Variants in SORBS2 observed in about 807,000 individuals in gnomAD.
SORBS2 encodes the protein sorbin and SH3 domain-containing protein 2.
Under a neutral mutation model 97.7 loss-of-function variants are expected in SORBS2, and 46 were observed. The ratio of observed to expected loss-of-function variants is 0.47; its 90% CI spans 0.37 to 0.60. SORBS2 has a LOEUF of 0.60. SORBS2 is among the 20% of genes least tolerant of loss of function. The pLI, the probability that SORBS2 is intolerant of heterozygous loss-of-function variation, is 0.00. For missense variants in SORBS2, 1,316 were observed against 1,282.3 expected (o/e 1.03, Z -0.40); for synonymous variants, 476 against 473.4 (o/e 1.01, Z -0.07).
At chr4:185,664,130 A>G (rs1346969793) in intron 4 of SORBS2, among the ~76,000 whole-genome samples, 1 of 152,118 alleles carries the variant, frequency 6.6e-6, no homozygotes, top group African/African-American at 2.4e-5. Context: ...CTGGGATTAC[A>G]GGCGTGAGCC....
chr4:185,925,447 A>C (rs2099263147), intron 1 of SORBS2, among the ~76,000 whole-genome samples: 1 of 152,204 alleles, frequency 6.6e-6, no homozygotes, highest in Non-Finnish European at 1.5e-5. Flanking sequence ...TACTCAATGG[A>C]TAACTGAAAA....
intron 1 of SORBS2, among the ~76,000 whole-genome samples, chr4:185,950,192 C>T (rs1237047378): frequency 6.6e-6 from 1 of 150,844 alleles, no homozygotes; most frequent in Admixed American, 6.6e-5. Flanking sequence ...GCGGAGGTTG[C>T]AGCGAGCCGA....
chr4:185,877,293 G>T (rs888872699), intron 1 of SORBS2, among the ~76,000 whole-genome samples: 5 of 151,008 alleles, frequency 3.3e-5, no homozygotes, highest in Admixed American at 6.6e-5. Flanking sequence ...AACATTAAAG[G>T]TTGTTTTTTT....
In SORBS2 at chr4:185,652,724, ACTGT is replaced by A; in HGVS notation, c.25_28del (p.Thr9SerfsTer131). On this transcript the variant is annotated frameshift_variant and splice_region_variant, in exon 2 of 15. Transcript: ENST00000418609. LOFTEE classifies it high-confidence loss of function. ...CTTGTACCAGTCCTTGGGCCGGTCG[ACTGT>A]CTGTAATGAAGAGAGCGTCCAATGG... The A allele has an allele frequency of 6.2e-7, 1 of 1,613,836 alleles. No homozygotes were observed. The highest frequency in any genetic ancestry group is 8.5e-7 in the Non-Finnish European group (1 of 1,179,710).
intron 2 of SORBS2, among the ~76,000 whole-genome samples, chr4:185,746,388 C>A (rs1358216551): frequency 6.6e-6 from 1 of 152,200 alleles, no homozygotes. Flanking sequence ...ACCATCTTGG[C>A]TCGCTGCAAC....
intron 1 of SORBS2, among the ~76,000 whole-genome samples, chr4:185,781,654 G>C (rs4270614): frequency 0.35 from 14,430 of 40,964 alleles, 921 homozygotes; most frequent in Middle Eastern, 0.49. Context: ...CCTCTCCAGC[G>C]TCCCTTCCAT....
intron 2 of SORBS2, among the ~76,000 whole-genome samples, chr4:185,753,069 G>A (rs2098811042): frequency 1.3e-5 from 2 of 152,222 alleles, no homozygotes; most frequent in Admixed American, 1.3e-4. Context: ...CCACGGCCAT[G>A]AGGGCTTCGT....
intron 1 of SORBS2, among the ~76,000 whole-genome samples, chr4:185,898,305 G>A (rs72709743): frequency 0.1 from 15,618 of 152,250 alleles, 1,035 homozygotes; most frequent in Middle Eastern, 0.2. Flanking sequence ...CAATTAAGTG[G>A]AGGGGAAATG....
chr4:185,852,257 T>C (rs1253649968), intron 1 of SORBS2, among the ~76,000 whole-genome samples: 2 of 152,166 alleles, frequency 1.3e-5, no homozygotes, highest in Admixed American at 6.5e-5. Context: ...AAGTCACTCA[T>C]CTCTCAGGCA....
At chr4:185,844,556 T>G (rs1313690382) in intron 1 of SORBS2, among the ~76,000 whole-genome samples, 1 of 152,190 alleles carries the variant, frequency 6.6e-6, no homozygotes, top group Non-Finnish European at 1.5e-5. Context: ...AACAGTTTCA[T>G]GATTCCACAA....
chr4:185,697,686 T>C (rs2098196961), intron 2 of SORBS2, among the ~76,000 whole-genome samples: 1 of 152,168 alleles, frequency 6.6e-6, no homozygotes, highest in Non-Finnish European at 1.5e-5. Context: ...CTATAAAATG[T>C]CACATAACAA....
At chr4:185,724,904 C>T (rs2153564388) in intron 2 of SORBS2, among the ~76,000 whole-genome samples, 1 of 152,272 alleles carries the variant, frequency 6.6e-6, no homozygotes, top group East Asian at 1.9e-4. Flanking sequence ...TACTAGTTTC[C>T]TTCACGTCTG....
intron 1 of SORBS2, among the ~76,000 whole-genome samples, chr4:185,879,783 A>C (rs2099235961): frequency 6.6e-6 from 1 of 152,086 alleles, no homozygotes; most frequent in Non-Finnish European, 1.5e-5. Flanking sequence ...TTTTCTCATG[A>C]GGATGCACAA....
At chr4:185,653,599 C>T (rs905494611) in intron 1 of SORBS2, among the ~76,000 whole-genome samples, 2 of 152,054 alleles carry the variant, frequency 1.3e-5, no homozygotes, top group African/African-American at 2.4e-5. Flanking sequence ...TTATGGAAAT[C>T]GAATGAGACA....
At chr4:185,946,519 A>G (rs1010704982) in intron 1 of SORBS2, among the ~76,000 whole-genome samples, 1 of 152,206 alleles carries the variant, frequency 6.6e-6, no homozygotes, top group Non-Finnish European at 1.5e-5. Flanking sequence ...AGAAAAATCA[A>G]TATATGACAT....
At chr4:185,862,780 C>A (rs1489890886) in intron 1 of SORBS2, among the ~76,000 whole-genome samples, 1 of 152,226 alleles carries the variant, frequency 6.6e-6, no homozygotes, top group Admixed American at 6.5e-5. Context: ...AACCTCAGGT[C>A]CCCCTCTTGT....
At chr4:185,670,371 G>T (rs1372903085) in intron 4 of SORBS2, among the ~76,000 whole-genome samples, 1 of 152,110 alleles carries the variant, frequency 6.6e-6, no homozygotes, top group Non-Finnish European at 1.5e-5. Context: ...TATGAAAACA[G>T]GTATAAGGAA....
intron 1 of SORBS2, among the ~76,000 whole-genome samples, chr4:185,854,999 A>G (rs1329384573): frequency 6.6e-6 from 1 of 152,192 alleles, no homozygotes; most frequent in Non-Finnish European, 1.5e-5. Flanking sequence ...CATAAAGACA[A>G]TAATCTCGTT....
intron 1 of SORBS2, among the ~76,000 whole-genome samples, chr4:185,887,231 T>C (rs768085500): frequency 2.8e-4 from 43 of 152,218 alleles, no homozygotes; most frequent in Non-Finnish European, 5.0e-4. Context: ...GGAAATAATA[T>C]CACATTTCTT....
Sources: gnomAD v4.1 joint callset for allele counts (sites outside exome capture counted in the v4.1 genomes callset) on GRCh38, gnomAD v4.1.1 for gene constraint, MANE v1.5 for transcripts, NCBI Gene and HGNC (gene_info 2026-07-23, HGNC 2026-07-21) for gene names.